Variants in FAM114A2 observed in about 807,000 individuals in gnomAD.
The protein encoded by FAM114A2 is family with sequence similarity 114 member A2.
FAM114A2 carries 53 observed loss-of-function variants against 58.4 expected under a neutral mutation model. The ratio of observed to expected loss-of-function variants is 0.91; its 90% CI spans 0.73 to 1.14. The LOEUF is 1.14. Ranked by LOEUF, FAM114A2 falls within the 50% of genes most tolerant of loss-of-function variation. The pLI is 0.00. For missense variants in FAM114A2, 601 were observed against 581.1 expected (o/e 1.03, Z -0.35); for synonymous variants, 228 against 211.4 (o/e 1.08, Z -0.68).
At chr5:153,995,418 C>T (rs897379702) in intron 12 of FAM114A2, 9 of 152,556 alleles carry the variant, frequency 5.9e-5, no homozygotes, top group African/African-American at 1.9e-4. Context: ...CTTTATGGAA[C>T]ACACAGAAAG....
At chr5:154,011,809 C>T (rs1770718085) in intron 8 of FAM114A2, among the ~76,000 whole-genome samples, 1 of 152,096 alleles carries the variant, frequency 6.6e-6, no homozygotes, top group Non-Finnish European at 1.5e-5. Context: ...GGAAGAGTTT[C>T]AGGCAGAGAA....
At chr5:154,015,525 A>G (rs1017477791) in intron 8 of FAM114A2, among the ~76,000 whole-genome samples, 5 of 152,114 alleles carry the variant, frequency 3.3e-5, no homozygotes, top group African/African-American at 9.7e-5. Context: ...AGAGATAACA[A>G]TCACTACAGC....
chr5:154,026,290 A>C lies in FAM114A2; in HGVS notation c.913+109T>G. 5.7e-6 allele frequency: 5 copies of C among 873,172 alleles called. No individual in the cohort carries two copies. In the South Asian group the frequency reaches 1.7e-4, roughly 30 times the overall value. 54.1% of individuals were successfully genotyped at this position (873,172 alleles called of 1,614,324 possible). On this transcript the variant is annotated intron_variant, in intron 8 of 13. Transcript: ENST00000351797. ...ATTTGCATAAAAATTTTCACCAAAA[A>C]AGTAAAATCAAGCCAGTGTAATAAG...
At chr5:154,026,272 T>A (rs1771765231) in intron 8 of FAM114A2, 127 bp downstream of exon 8, 2 of 667,626 alleles carry the variant, frequency 3.0e-6, no homozygotes, top group South Asian at 3.9e-5. Context: ...AGAATTTGCA[T>A]AAAAATTTTC....
At chr5:154,021,989 A>G (rs530698108) in intron 8 of FAM114A2, among the ~76,000 whole-genome samples, 73 of 152,178 alleles carry the variant, frequency 4.8e-4, no homozygotes, top group African/African-American at 1.6e-3. Flanking sequence ...AAATAACATC[A>G]CACATCTACA....
chr5:154,029,082 G>A (rs1173703242), intron 5 of FAM114A2, among the ~76,000 whole-genome samples: 1 of 152,082 alleles, frequency 6.6e-6, no homozygotes, highest in Non-Finnish European at 1.5e-5. Flanking sequence ...TCTTACAAAT[G>A]TTTTTAATCA....
In FAM114A2 at chr5:153,993,024, T is replaced by C. The variant is rs1306531471; in HGVS notation, c.1470A>G (p.Glu490=). 7 of 1,613,506 alleles carry C rather than the reference T, an allele frequency of 4.3e-6. No homozygotes were observed. The highest frequency in any genetic ancestry group is 3.3e-5 in the Admixed American group (2 of 60,002). ...LEISLIENKI[E]SHRHELQGQK... ...GGCCCTGCAGCTCATGTCTGTGTGATTCAATCTTGTTCTCAATGAGAGAGA... is the reference window on the plus strand; with the variant it reads ...GGCCCTGCAGCTCATGTCTGTGTGACTCAATCTTGTTCTCAATGAGAGAGA... Residue 490 remains glutamate (E), a synonymous_variant, in exon 14 of 14, where the codon GAA becomes GAG. Transcript: ENST00000351797.
chr5:153,994,642 G>A (rs1769441966), intron 13 of FAM114A2: 1 of 268,306 alleles, frequency 3.7e-6, no homozygotes, highest in African/African-American at 2.2e-5. Context: ...TTCAGAAGGT[G>A]TTTCATTACT....
chr5:154,018,956 C>T (rs761490943), intron 8 of FAM114A2, among the ~76,000 whole-genome samples: 7 of 152,034 alleles, frequency 4.6e-5, no homozygotes, highest in Non-Finnish European at 8.8e-5. Context: ...AACATAATAC[C>T]GAATGGAGAG....
intron 1 of FAM114A2, 118 bp from the exon 2 acceptor site, chr5:154,035,085 G>A: frequency 1.6e-6 from 1 of 631,042 alleles, no homozygotes; most frequent in Admixed American, 3.0e-5. Context: ...GAATAATACA[G>A]AGATCCCATA....
chr5:154,004,528 A>G (rs943341551), intron 9 of FAM114A2, among the ~76,000 whole-genome samples: 1 of 151,262 alleles, frequency 6.6e-6, no homozygotes, highest in African/African-American at 2.4e-5. Context: ...TCACACATAC[A>G]ACAAATAAAA....
intron 8 of FAM114A2, among the ~76,000 whole-genome samples, chr5:154,013,727 G>A (rs951646106): frequency 1.3e-5 from 2 of 152,178 alleles, no homozygotes; most frequent in African/African-American, 4.8e-5. Context: ...ACTGAGGACT[G>A]TCATGTCAAG....
chr5:154,008,649 C>T (rs993068209), intron 9 of FAM114A2, among the ~76,000 whole-genome samples: 2 of 150,664 alleles, frequency 1.3e-5, no homozygotes, highest in African/African-American at 4.9e-5. Context: ...TGGATTGTAC[C>T]CTCAAGATAC....
chr5:154,013,133 A>T (rs907309669), intron 8 of FAM114A2, among the ~76,000 whole-genome samples: 1 of 152,178 alleles, frequency 6.6e-6, no homozygotes, highest in African/African-American at 2.4e-5. Flanking sequence ...TGATAAAAAA[A>T]TTTTGAAGAT....
At chr5:153,993,566 A>C (rs1180460188) in intron 13 of FAM114A2, among the ~76,000 whole-genome samples, 1 of 152,210 alleles carries the variant, frequency 6.6e-6, no homozygotes, top group East Asian at 1.9e-4. Flanking sequence ...CTGCTCACAC[A>C]CATAAACATC....
intron 9 of FAM114A2, among the ~76,000 whole-genome samples, chr5:154,010,002 T>G (rs1377966916): frequency 6.6e-6 from 1 of 152,230 alleles, no homozygotes; most frequent in African/African-American, 2.4e-5. Context: ...ACAAAAGTAC[T>G]AATGTTAAAT....
rs761767529 is a variant in FAM114A2, at chr5:154,002,368, C to T, written c.1139G>A (p.Arg380Gln). The change falls in exon 11 of 14, where the codon CGG (arginine) becomes CAG (glutamine). Residue 380 changes from arginine to glutamine, a missense_variant. Coordinates refer to ENST00000351797, the MANE Select transcript of FAM114A2 (RefSeq NM_018691.4). ...SIEDIHAFAI[R>Q]SLAELTACSI... ...GCAGGCAGTCAGTTCAGCCAGGCTCCGGATTGCAAACGCATGGATATCCTG... is the reference window on the plus strand; with the variant it reads ...GCAGGCAGTCAGTTCAGCCAGGCTCTGGATTGCAAACGCATGGATATCCTG... 1.7e-5 allele frequency: 28 copies of T among 1,613,654 alleles called. No homozygotes were observed. Among genetic ancestry groups the T allele is most frequent in the Non-Finnish European group, 2.2e-5 (26 of 1,179,770 alleles).
chr5:154,015,239 C>T (rs1293655144), intron 8 of FAM114A2, among the ~76,000 whole-genome samples: 1 of 152,140 alleles, frequency 6.6e-6, no homozygotes, highest in Non-Finnish European at 1.5e-5. Flanking sequence ...GTTCTAGGGC[C>T]CTGCTCACTG....
In FAM114A2 at chr5:153,990,387, A is replaced by G. The variant is rs994385567; in HGVS notation, c.*2589T>C. On this transcript the variant is annotated 3_prime_UTR_variant, in exon 14 of 14. Coordinates refer to ENST00000351797, the MANE Select transcript of FAM114A2 (RefSeq NM_018691.4). ...CAAGATCTTGTTCTTTGATTACAGG[A>G]TTGAAAAATTCACATTTGTACACCT... 1 of 152,102 alleles carries G rather than the reference A, an allele frequency of 6.6e-6. No individual in the cohort carries two copies. Among genetic ancestry groups the G allele is most frequent in the African/African-American group, 2.4e-5 (1 of 41,424 alleles). 9.4% of individuals were successfully genotyped at this position (152,102 alleles called of 1,614,324 possible). A position where few individuals can be genotyped will look rare whatever the true frequency, so the allele number is the denominator to read the frequency against.
Sources: gnomAD v4.1 joint callset for allele counts (sites outside exome capture counted in the v4.1 genomes callset) on GRCh38, gnomAD v4.1.1 for gene constraint, MANE v1.5 for transcripts, NCBI Gene and HGNC (gene_info 2026-07-23, HGNC 2026-07-21) for gene names.